Variants in ARPP21 observed in about 807,000 individuals in gnomAD.
ARPP21 encodes cAMP-regulated phosphoprotein 21.
ARPP21 carries 69 observed loss-of-function variants against 113.2 expected under a neutral mutation model. The ratio of observed to expected loss-of-function variants is 0.61; its 90% CI spans 0.50 to 0.74. The LOEUF is 0.74. ARPP21 is among the 30% of genes least tolerant of loss of function. ARPP21 has a pLI of 0.00. For synonymous variants in ARPP21, 368 were observed against 375.5 expected, an observed-to-expected ratio of 0.98 and a Z score of 0.23; for missense variants, 1,070 against 1,037.4, an observed-to-expected ratio of 1.03 and a Z score of -0.43.
At chr3:35,759,672 C>G (rs1286733413) in intron 19 of ARPP21, among the ~76,000 whole-genome samples, 10 of 119,642 alleles carry the variant, frequency 8.4e-5, no homozygotes, top group Non-Finnish European at 1.6e-4. Context: ...TTCATTTTCT[C>G]TCTCTGTGTG....
intron 1 of ARPP21, among the ~76,000 whole-genome samples, chr3:35,658,670 G>A (rs1310667339): frequency 6.6e-6 from 1 of 152,098 alleles, no homozygotes; most frequent in Non-Finnish European, 1.5e-5. Context: ...TGCCAGCACA[G>A]CCATAGAAGT....
chr3:35,785,320 T>C (rs1251172846), intron 19 of ARPP21: 2 of 152,178 alleles, frequency 1.3e-5, no homozygotes, highest in African/African-American at 4.8e-5. Flanking sequence ...CTCTGGGTTG[T>C]TGAAGCTCTC....
chr3:35,786,168 T>G (rs2096628316), intron 19 of ARPP21, among the ~76,000 whole-genome samples: 1 of 152,196 alleles, frequency 6.6e-6, no homozygotes, highest in Non-Finnish European at 1.5e-5. Flanking sequence ...AACCGTATCT[T>G]AATTTGTAAA....
intron 14 of ARPP21, among the ~76,000 whole-genome samples, chr3:35,723,567 G>C (rs894698520): frequency 1.3e-5 from 2 of 152,092 alleles, no homozygotes; most frequent in Non-Finnish European, 2.9e-5. Flanking sequence ...ACTAAGATAG[G>C]TTTAATAGTT....
chr3:35,712,516 G>A (rs1331152932), intron 11 of ARPP21, among the ~76,000 whole-genome samples: 1 of 38,746 alleles, frequency 2.6e-5, no homozygotes, highest in Non-Finnish European at 5.8e-5. Flanking sequence ...TAAGGTGTCT[G>A]TGTGTGTGTG....
chr3:35,719,461 T>C (rs2092829502), intron 13 of ARPP21, among the ~76,000 whole-genome samples: 1 of 152,194 alleles, frequency 6.6e-6, no homozygotes, highest in African/African-American at 2.4e-5. Context: ...GAGCAGGTGA[T>C]GTGACATAAG....
At chr3:35,734,689 C>T (rs905522836) in intron 15 of ARPP21, among the ~76,000 whole-genome samples, 4 of 152,190 alleles carry the variant, frequency 2.6e-5, no homozygotes, top group South Asian at 2.1e-4. Flanking sequence ...GGTTGCCATT[C>T]GTAAGTGAGC....
At chr3:35,661,308 A>C (rs1471990037) in intron 1 of ARPP21, among the ~76,000 whole-genome samples, 1 of 152,168 alleles carries the variant, frequency 6.6e-6, no homozygotes, top group African/African-American at 2.4e-5. Context: ...CTATATCGTG[A>C]GAATGGTGAA....
intron 19 of ARPP21, among the ~76,000 whole-genome samples, chr3:35,783,161 T>C (rs1339824935): frequency 6.6e-6 from 1 of 152,168 alleles, no homozygotes; most frequent in African/African-American, 2.4e-5. Context: ...TATTTGAATA[T>C]GATTGTGCCT....
chr3:35,779,459 T>A (rs1009158114), intron 19 of ARPP21, among the ~76,000 whole-genome samples: 1 of 152,150 alleles, frequency 6.6e-6, no homozygotes, highest in African/African-American at 2.4e-5. Flanking sequence ...ATTCTGTGTG[T>A]GATCCTGAAC....
Position 35,727,271 on chromosome 3 carries a change from G to T in ARPP21, c.1226-2032G>T, listed in dbSNP as rs908251182. Among the ~76,000 whole-genome samples, 11 of 152,320 alleles carry T rather than the reference G, an allele frequency of 7.2e-5. 1 individual carries two copies. Among genetic ancestry groups the T allele is most frequent in the Admixed American group, 7.2e-4 (11 of 15,302 alleles). On this transcript the variant is annotated intron_variant, in intron 14 of 20. Transcript: ENST00000684406. ...GTGGCAATGTGGGGTCGTGATTAAAGCTTGAGCTATAGATCAGTCTGCACA... is the reference window on the plus strand; with the variant it reads ...GTGGCAATGTGGGGTCGTGATTAAATCTTGAGCTATAGATCAGTCTGCACA...
intron 19 of ARPP21, among the ~76,000 whole-genome samples, chr3:35,762,126 T>TCACACACACACACACACACACA (rs371775285): frequency 3.2e-5 from 4 of 126,956 alleles, no homozygotes; most frequent in African/African-American, 1.1e-4. Context: ...TCTCTCTCTC[T>TCACACACACACACACACACACA]CACACACACA....
chr3:35,739,477 C>G lies in ARPP21; in HGVS notation c.1910C>G (p.Pro637Arg). 1 of 1,614,154 alleles carries G rather than the reference C, an allele frequency of 6.2e-7. No homozygotes were observed. Among genetic ancestry groups the G allele is most frequent in the East Asian group, 2.2e-5 (1 of 44,860 alleles). The change falls in exon 18 of 21, where the codon CCT (proline) becomes CGT (arginine). Residue 637 changes from proline to arginine, a missense_variant. Coordinates refer to ENST00000684406, the MANE Select transcript of ARPP21 (RefSeq NM_001385562.1). ...ATCGCCTCTACAGGCCAGCAGCTTCCTACAGGAGGATTCTCAGGCTCTGGC... is the reference window on the plus strand; with the variant it reads ...ATCGCCTCTACAGGCCAGCAGCTTCGTACAGGAGGATTCTCAGGCTCTGGC... ...YVIASTGQQL[P>R]TGGFSGSGPP...
At chr3:35,651,329 C>T (rs1162650469) in intron 1 of ARPP21, among the ~76,000 whole-genome samples, 1 of 151,980 alleles carries the variant, frequency 6.6e-6, no homozygotes, top group East Asian at 1.9e-4. Context: ...TGAGAAAGAA[C>T]CTACTTTTTG....
chr3:35,746,243 A>C (rs939478115), intron 19 of ARPP21, among the ~76,000 whole-genome samples: 1 of 152,186 alleles, frequency 6.6e-6, no homozygotes, highest in East Asian at 1.9e-4. Context: ...CCCTGACCTT[A>C]CAGAGAATCA....
chr3:35,775,313 A>G (rs1042493624), intron 19 of ARPP21, among the ~76,000 whole-genome samples: 1 of 152,208 alleles, frequency 6.6e-6, no homozygotes, highest in African/African-American at 2.4e-5. Flanking sequence ...GCAATTTATC[A>G]GGAGCGCAGA....
chr3:35,750,601 C>T (rs553071720), intron 19 of ARPP21, among the ~76,000 whole-genome samples: 68 of 151,996 alleles, frequency 4.5e-4, no homozygotes, highest in Non-Finnish European at 8.1e-4. Context: ...TTTTGTTGTT[C>T]AGGTATTCCG....
intron 10 of ARPP21, among the ~76,000 whole-genome samples, chr3:35,708,532 G>C (rs1440716894): frequency 6.6e-6 from 1 of 152,174 alleles, no homozygotes; most frequent in Non-Finnish European, 1.5e-5. Flanking sequence ...CAGTCCCCAA[G>C]CTTTCAAAAT....
At chr3:35,681,675 C>T in intron 2 of ARPP21, 39 bp from the exon 3 acceptor site, 1 of 1,076,030 alleles carries the variant, frequency 9.3e-7, no homozygotes, top group Admixed American at 2.1e-5. Context: ...TAGTAAATAC[C>T]TTGCACTGAC....
Sources: allele counts gnomAD v4.1 joint callset (sites outside exome capture counted in the v4.1 genomes callset), GRCh38; gene constraint gnomAD v4.1.1; transcripts MANE v1.5; gene names NCBI Gene and HGNC (gene_info 2026-07-23, HGNC 2026-07-21).